The following CNOT6 variants were observed in gnomAD, a reference collection of about 807,000 sequenced individuals.
The protein encoded by CNOT6 is CCR4-NOT transcription complex subunit 6, also known as carbon catabolite repression 4 protein.
In CNOT6, 12 loss-of-function variants were observed where a neutral mutation model predicts 61.2. The observed-to-expected ratio is 0.20, with a 90% CI of 0.13 to 0.32. The LOEUF (loss-of-function observed/expected upper bound fraction) is 0.32. Ranked by LOEUF, CNOT6 falls within the 10% of genes least tolerant of loss-of-function variation. The pLI is 1.00. For synonymous variants in CNOT6, 225 were observed against 240.6 expected (o/e 0.94, Z 0.60); for missense variants, 405 against 663.9 (o/e 0.61, Z 4.28).
chr5:180,573,888 G>GTTCTGT, intron 11 of CNOT6, 100 bp from the exon 12 acceptor site: 1 of 807,874 alleles, frequency 1.2e-6, no homozygotes, highest in African/African-American at 1.7e-5. Flanking sequence ...CACTTGTTCT[G>GTTCTGT]TTCTGTTCAC....
chr5:180,514,382 A>G (rs1330782339), intron 1 of CNOT6, among the ~76,000 whole-genome samples: 1 of 152,220 alleles, frequency 6.6e-6, no homozygotes. Flanking sequence ...AGATAGCGCC[A>G]CTGCACTCCA....
At position 180,568,035 on chromosome 5, in the gene CNOT6, C is replaced by T. The variant is rs1264679235; in HGVS notation, c.1027+32C>T. 1.9e-6 allele frequency: 3 copies of T among 1,577,058 alleles called. No homozygotes were observed. In the East Asian group the frequency reaches 6.7e-5, roughly 35 times the overall value. Reference sequence around the variant, plus strand: ...GCCCTTCACTTCCTGTAAAATTGACCAGCTCTGACTAGACATCTTCAAAAG... The same window carrying T: ...GCCCTTCACTTCCTGTAAAATTGACTAGCTCTGACTAGACATCTTCAAAAG... On this transcript the variant is annotated intron_variant, in intron 9 of 11. Coordinates refer to ENST00000261951, the MANE Select transcript of CNOT6 (RefSeq NM_001370472.1).
At chr5:180,511,488 G>A (rs1757393123) in intron 1 of CNOT6, among the ~76,000 whole-genome samples, 2 of 152,114 alleles carry the variant, frequency 1.3e-5, no homozygotes, top group Admixed American at 6.5e-5. Flanking sequence ...GCATGCACCT[G>A]TAGTTCCAGC....
chr5:180,528,105 T>A (rs1283184052), intron 1 of CNOT6, among the ~76,000 whole-genome samples: 2 of 152,078 alleles, frequency 1.3e-5, no homozygotes, highest in African/African-American at 4.8e-5. Flanking sequence ...CATTTAAAAA[T>A]TTTCCACTGA....
At chr5:180,547,381 G>A (rs891820930) in intron 2 of CNOT6, among the ~76,000 whole-genome samples, 24 of 152,022 alleles carry the variant, frequency 1.6e-4, no homozygotes, top group East Asian at 9.8e-4. Flanking sequence ...TTAGCTGGGC[G>A]TGGTGGCGGG....
chr5:180,545,493 C>T (rs1263972161), intron 2 of CNOT6, among the ~76,000 whole-genome samples: 1 of 151,938 alleles, frequency 6.6e-6, no homozygotes, highest in African/African-American at 2.4e-5. Flanking sequence ...TTTTGGTCTG[C>T]TCTTATCCTC....
At chr5:180,545,460 A>T (rs935339720) in intron 2 of CNOT6, among the ~76,000 whole-genome samples, 1 of 151,660 alleles carries the variant, frequency 6.6e-6, no homozygotes, top group African/African-American at 2.4e-5. Flanking sequence ...GACACCTTGC[A>T]TTTTTTTTGT....
At chr5:180,552,919 C>A (rs1012889893) in intron 3 of CNOT6, among the ~76,000 whole-genome samples, 5 of 152,072 alleles carry the variant, frequency 3.3e-5, no homozygotes, top group Admixed American at 2.6e-4. Context: ...GAGTCGTTAA[C>A]GAAATGATCA....
At chr5:180,497,107 C>A (rs1220704145) in intron 1 of CNOT6, among the ~76,000 whole-genome samples, 1 of 152,108 alleles carries the variant, frequency 6.6e-6, no homozygotes, top group Non-Finnish European at 1.5e-5. Flanking sequence ...ATGGGTGGAT[C>A]ACCTGAGGTC....
intron 3 of CNOT6, among the ~76,000 whole-genome samples, chr5:180,552,232 T>C (rs565264256): frequency 1.3e-5 from 2 of 152,214 alleles, no homozygotes; most frequent in Non-Finnish European, 2.9e-5. Flanking sequence ...TATCAGAACT[T>C]GCTCTTCTTG....
At chr5:180,514,015 T>C (rs1398435739) in intron 1 of CNOT6, among the ~76,000 whole-genome samples, 1 of 152,096 alleles carries the variant, frequency 6.6e-6, no homozygotes, top group East Asian at 1.9e-4. Flanking sequence ...TTTTATTTTT[T>C]GTAGAGATAG....
intron 11 of CNOT6, among the ~76,000 whole-genome samples, chr5:180,572,470 A>G (rs1244114804): frequency 6.6e-6 from 1 of 151,690 alleles, no homozygotes; most frequent in African/African-American, 2.4e-5. Flanking sequence ...GATTACAGGC[A>G]TGAGCCACCG....
rs191475110 is a variant in CNOT6, at chr5:180,571,568, T to G, written c.1461+136T>G. 4.4e-6 allele frequency: 3 copies of G among 681,992 alleles called. No homozygotes were observed. In the East Asian group the frequency reaches 8.1e-5, roughly 18 times the overall value. 42.2% of individuals were successfully genotyped at this position (681,992 alleles called of 1,614,324 possible). ...GTCTTGAATTCATTGACAGCAATGTTCTTTGTTTTTTGTTTGAGACAAGGT... is the reference window on the plus strand; with the variant it reads ...GTCTTGAATTCATTGACAGCAATGTGCTTTGTTTTTTGTTTGAGACAAGGT... On this transcript the variant is annotated intron_variant, in intron 11 of 11. Transcript: ENST00000261951.
intron 4 of CNOT6, among the ~76,000 whole-genome samples, chr5:180,558,020 G>C (rs1461158909): frequency 6.6e-6 from 1 of 152,176 alleles, no homozygotes; most frequent in Non-Finnish European, 1.5e-5. Context: ...GAGCATATCT[G>C]TGTGAATCTG....
chr5:180,508,833 A>ATTATT (rs1554096674), intron 1 of CNOT6, among the ~76,000 whole-genome samples: 3 of 145,834 alleles, frequency 2.1e-5, no homozygotes, highest in Non-Finnish European at 4.5e-5. Flanking sequence ...TATTATTATT[A>ATTATT]TTTTTTTTTG....
chr5:180,512,545 A>G (rs1041030741), intron 1 of CNOT6, among the ~76,000 whole-genome samples: 11 of 152,240 alleles, frequency 7.2e-5, no homozygotes, highest in African/African-American at 1.9e-4. Context: ...TTAAGTGGGT[A>G]TAGGACCAGA....
chr5:180,566,080 A>G, intron 7 of CNOT6, 103 bp downstream of exon 7: 1 of 1,081,650 alleles, frequency 9.2e-7, no homozygotes, highest in Non-Finnish European at 1.3e-6. Context: ...GTAGTTCTTA[A>G]AGTACTGCTT....
Position 180,571,405 on chromosome 5 carries a change from T to G in CNOT6, c.1434T>G (p.Pro478=). Residue 478 remains proline (P), a synonymous_variant, in exon 11 of 12, where the codon CCT becomes CCG. Coordinates refer to ENST00000261951, the MANE Select transcript of CNOT6 (RefSeq NM_001370472.1). ...LQSAYESGLM[P]YTNYTFDFKG... ...GTGCCTATGAGAGTGGCCTGATGCC[T>G]TACACGAATTACACATTTGATTTCA... is the stretch of plus-strand genomic sequence containing the variant. 2 of 1,613,880 alleles carry G rather than the reference T, an allele frequency of 1.2e-6. No individual in the cohort carries two copies. The highest frequency in any genetic ancestry group is 1.7e-6 in the Non-Finnish European group (2 of 1,179,776).
At chr5:180,552,393 A>C (rs1204608062) in intron 3 of CNOT6, among the ~76,000 whole-genome samples, 2 of 130,876 alleles carry the variant, frequency 1.5e-5, no homozygotes, top group Non-Finnish European at 3.5e-5. Flanking sequence ...TAATCCCAGC[A>C]CACTTTGGGA....
Sources: allele counts gnomAD v4.1 joint callset (sites outside exome capture counted in the v4.1 genomes callset), GRCh38; gene constraint gnomAD v4.1.1; transcripts MANE v1.5; gene names NCBI Gene and HGNC (gene_info 2026-07-23, HGNC 2026-07-21).